The following PREX1 variants were observed in gnomAD, a reference collection of about 807,000 sequenced individuals.
PREX1 encodes the protein phosphatidylinositol-3,4,5-trisphosphate dependent Rac exchange factor 1, also known as phosphatidylinositol 3,4,5-trisphosphate-dependent Rac exchanger 1 protein.
PREX1 carries 41 observed loss-of-function variants against 198.3 expected under a neutral mutation model. The observed-to-expected ratio is 0.21, with a 90% CI of 0.16 to 0.27. The LOEUF (loss-of-function observed/expected upper bound fraction) is 0.27. Among genes scored for constraint, PREX1 ranks in the 10% least tolerant of loss-of-function variants. The pLI, the probability that PREX1 is intolerant of heterozygous loss-of-function variation, is 1.00. For missense variants in PREX1, 1,620 were observed against 2,200.7 expected, an observed-to-expected ratio of 0.74 and a Z score of 5.28; for synonymous variants, 843 against 887.2, an observed-to-expected ratio of 0.95 and a Z score of 0.89.
chr20:48,816,258 G>C (rs1010935126), intron 1 of PREX1, among the ~76,000 whole-genome samples: 3 of 152,096 alleles, frequency 2.0e-5, no homozygotes, highest in Admixed American at 6.5e-5. Flanking sequence ...CACAAATATG[G>C]GCTCTGGAGT....
intron 5 of PREX1, among the ~76,000 whole-genome samples, chr20:48,722,138 C>T (rs1039847721): frequency 5.9e-5 from 9 of 152,272 alleles, no homozygotes; most frequent in Non-Finnish European, 1.2e-4. Context: ...ATGGGAATGT[C>T]CACACAAATC....
chr20:48,833,772 A>T, the PREX1 span, among the ~76,000 whole-genome samples: 1 of 152,102 alleles, frequency 6.6e-6, no homozygotes, highest in South Asian at 2.1e-4. Context: ...CATTGACCTG[A>T]CTTCTTGCTA....
At chr20:48,718,037 G>A (rs1421523221) in intron 5 of PREX1, among the ~76,000 whole-genome samples, 1 of 152,348 alleles carries the variant, frequency 6.6e-6, no homozygotes, top group East Asian at 1.9e-4. Context: ...TCCTTAGAAG[G>A]GATGTGTGTC....
chr20:48,844,978 G>A, the PREX1 span, among the ~76,000 whole-genome samples: 1 of 152,170 alleles, frequency 6.6e-6, no homozygotes, highest in African/African-American at 2.4e-5. Flanking sequence ...CTTTAAAAAT[G>A]TGTCCCAACT....
intron 3 of PREX1, among the ~76,000 whole-genome samples, chr20:48,736,417 T>G (rs1354301383): frequency 6.6e-6 from 1 of 152,186 alleles, no homozygotes. Context: ...AGCATGCACA[T>G]GGACACATGC....
chr20:48,744,336 G>A (rs1370429498), intron 3 of PREX1, among the ~76,000 whole-genome samples: 1 of 152,122 alleles, frequency 6.6e-6, no homozygotes, highest in African/African-American at 2.4e-5. Context: ...GGAGGTATAC[G>A]GAATTGTCCC....
Position 48,657,017 on chromosome 20 carries a change from A to T in PREX1, c.2123+23T>A. On this transcript the variant is annotated intron_variant, in intron 18 of 39. Transcript: ENST00000371941. ...TCAGCCTGAGAGGGAGGGCTGCCGG[A>T]CACCCCGCCCTGGGACACTCACTCT... 1.9e-6 allele frequency: 3 copies of T among 1,565,964 alleles called. No homozygotes were observed. The South Asian group carries it at 3.5e-5, about 18-fold the overall frequency.
chr20:48,830,598 G>A (rs377742064), upstream of PREX1, among the ~76,000 whole-genome samples: 12 of 152,286 alleles, frequency 7.9e-5, no homozygotes, highest in African/African-American at 2.4e-4. Context: ...ACATTTCCAC[G>A]TTGTGGATGG....
At chr20:48,642,099 C>G in intron 29 of PREX1, 69 bp downstream of exon 29, 2 of 1,507,782 alleles carry the variant, frequency 1.3e-6, no homozygotes, top group Middle Eastern at 1.7e-4. Flanking sequence ...AGCATTAGCC[C>G]GGGTACGCCG....
intron 7 of PREX1, among the ~76,000 whole-genome samples, chr20:48,699,877 A>G (rs1290668682): frequency 6.6e-6 from 1 of 152,018 alleles, no homozygotes; most frequent in Non-Finnish European, 1.5e-5. Flanking sequence ...CCATCCAGCC[A>G]TCTCCTAAAC....
chr20:48,808,887 T>C (rs2090423230), intron 1 of PREX1, among the ~76,000 whole-genome samples: 1 of 152,176 alleles, frequency 6.6e-6, no homozygotes, highest in African/African-American at 2.4e-5. Context: ...GCAAAGTCCT[T>C]TTCCTGATGT....
intron 30 of PREX1, among the ~76,000 whole-genome samples, chr20:48,638,837 G>A (rs1423725499): frequency 1.3e-5 from 2 of 152,252 alleles, no homozygotes; most frequent in South Asian, 2.1e-4. Flanking sequence ...GGCCAGAGGC[G>A]TCAAGGAACT....
intron 5 of PREX1, among the ~76,000 whole-genome samples, chr20:48,725,538 T>C (rs769277535): frequency 3.0e-4 from 46 of 152,214 alleles, no homozygotes; most frequent in Non-Finnish European, 5.9e-4. Flanking sequence ...GAAGGCTGCA[T>C]TTGCCCAGCC....
chr20:48,760,764 C>T lies in PREX1; in HGVS notation c.220-12884G>A, dbSNP rs528206212. 8.5e-5 allele frequency among the ~76,000 whole-genome samples: 13 copies of T among 152,182 alleles called. No individual in the cohort carries two copies. In the East Asian group the frequency reaches 2.5e-3, roughly 29 times the overall value. On this transcript the variant is annotated intron_variant, in intron 1 of 39. Coordinates refer to ENST00000371941, the MANE Select transcript of PREX1 (RefSeq NM_020820.4). Reference sequence around the variant, plus strand: ...ACCAGGGCCTGCCGTGCACCAGGCACCGAGCTGGGTGCTGGAGACACAGAT... The same window carrying T: ...ACCAGGGCCTGCCGTGCACCAGGCATCGAGCTGGGTGCTGGAGACACAGAT...
chr20:48,745,172 G>A (rs1052575064), intron 2 of PREX1, 25 bp from the exon 3 acceptor site: 7 of 1,607,464 alleles, frequency 4.4e-6, no homozygotes, highest in Middle Eastern at 1.7e-4. Flanking sequence ...GAGGCCAGAG[G>A]ACAGCGTTAA....
At chr20:48,865,207 C>A in the PREX1 span, among the ~76,000 whole-genome samples, 6 of 152,212 alleles carry the variant, frequency 3.9e-5, no homozygotes, top group Admixed American at 1.3e-4. Flanking sequence ...TTGTCATCAA[C>A]TACCAAGTTT....
chr20:48,721,483 A>C (rs193209617), intron 5 of PREX1, among the ~76,000 whole-genome samples: 28 of 152,326 alleles, frequency 1.8e-4, no homozygotes, highest in African/African-American at 6.5e-4. Flanking sequence ...AGCAGAAGAA[A>C]GAGCAGGTGC....
chr20:48,650,217 G>C lies in PREX1; in HGVS notation c.2818-11C>G, dbSNP rs1298045466. The C allele has an allele frequency of 1.2e-6, 2 of 1,603,198 alleles. No individual in the cohort carries two copies. The highest frequency in any genetic ancestry group is 2.2e-5 in the South Asian group (2 of 90,840). On this transcript the variant is annotated splice_polypyrimidine_tract_variant and intron_variant, in intron 23 of 39. Transcript: ENST00000371941. ...CAGTTGGGCTGCAAACTGAGAAAGT[G>C]GAGGCCGTAAGGTCGTGAATCACAG... is the stretch of plus-strand genomic sequence containing the variant.
intron 16 of PREX1, among the ~76,000 whole-genome samples, chr20:48,658,725 C>T (rs1199334411): frequency 1.3e-5 from 2 of 152,146 alleles, no homozygotes; most frequent in Non-Finnish European, 2.9e-5. Context: ...AAAAGAAATA[C>T]AGGATGTGAT....
Sources: gnomAD v4.1 joint callset for allele counts (sites outside exome capture counted in the v4.1 genomes callset) on GRCh38, gnomAD v4.1.1 for gene constraint, MANE v1.5 for transcripts, NCBI Gene and HGNC (gene_info 2026-07-23, HGNC 2026-07-21) for gene names.